The following FHIT variants were observed in gnomAD, a reference collection of about 807,000 sequenced individuals.
FHIT encodes bis(5'-adenosyl)-triphosphatase.
A neutral mutation model predicts 17.9 loss-of-function variants in FHIT; 19 were observed. The ratio of observed to expected loss-of-function variants is 1.06; its 90% CI spans 0.74 to 1.56. The LOEUF is 1.56. Ranked by LOEUF, FHIT falls within the 40% of genes most tolerant of loss-of-function variation. FHIT has a pLI of 0.00. For synonymous variants in FHIT, 81 were observed against 69.7 expected, an observed-to-expected ratio of 1.16 and a Z score of -0.81; for missense variants, 248 against 189.2, an observed-to-expected ratio of 1.31 and a Z score of -1.82.
chr3:60,343,621 C>T (rs1710632476), intron 5 of FHIT, among the ~76,000 whole-genome samples: 1 of 152,150 alleles, frequency 6.6e-6, no homozygotes, highest in African/African-American at 2.4e-5. Context: ...CCTTTGAAAC[C>T]TAATTAATAA....
intron 5 of FHIT, among the ~76,000 whole-genome samples, chr3:60,029,887 GTGTGTGTGTC>G (rs1270916826): frequency 0.014 from 1,369 of 98,388 alleles, 33 homozygotes; most frequent in African/African-American, 0.042. Flanking sequence ...CATTGTGTGT[GTGTGTGTGTC>G]TGTGTGTGTG....
intron 3 of FHIT, among the ~76,000 whole-genome samples, chr3:61,024,324 C>T (rs944125658): frequency 6.6e-6 from 1 of 152,020 alleles, no homozygotes; most frequent in African/African-American, 2.4e-5. Flanking sequence ...CCCTTCTCCC[C>T]CAACAAAATA....
intron 5 of FHIT, among the ~76,000 whole-genome samples, chr3:60,424,292 A>G (rs763559224): frequency 6.6e-6 from 1 of 152,146 alleles, no homozygotes; most frequent in Non-Finnish European, 1.5e-5. Context: ...TACAGAGAGC[A>G]GTCTGGGGAA....
chr3:61,123,428 C>A (rs973365055), intron 2 of FHIT, among the ~76,000 whole-genome samples: 37 of 151,912 alleles, frequency 2.4e-4, no homozygotes, highest in Non-Finnish European at 4.1e-4. Flanking sequence ...TGCAGCAAAC[C>A]ACCATGGCAC....
At chr3:60,457,161 C>T (rs555610681) in intron 5 of FHIT, among the ~76,000 whole-genome samples, 6 of 152,198 alleles carry the variant, frequency 3.9e-5, no homozygotes, top group Admixed American at 3.3e-4. Flanking sequence ...GGAGGCATCA[C>T]ACTACCTGAC....
intron 5 of FHIT, among the ~76,000 whole-genome samples, chr3:60,530,436 G>C (rs149934097): frequency 6.6e-6 from 1 of 152,268 alleles, no homozygotes; most frequent in East Asian, 1.9e-4. Flanking sequence ...CACATACAAA[G>C]TACCTACTTA....
intron 5 of FHIT, among the ~76,000 whole-genome samples, chr3:60,129,684 GCTTT>G (rs1358656464): frequency 2.0e-5 from 3 of 151,930 alleles, no homozygotes; most frequent in Admixed American, 1.3e-4. Flanking sequence ...ATCCTGCTTT[GCTTT>G]TTTTCTCATC....
At chr3:59,944,118 A>T (rs1420551240) in intron 7 of FHIT, among the ~76,000 whole-genome samples, 2 of 152,250 alleles carry the variant, frequency 1.3e-5, no homozygotes, top group Non-Finnish European at 1.5e-5. Flanking sequence ...GATTCAAAGG[A>T]AGGTACAAAA....
chr3:60,126,798 C>T (rs1705571207), intron 5 of FHIT, among the ~76,000 whole-genome samples: 2 of 152,162 alleles, frequency 1.3e-5, no homozygotes, highest in African/African-American at 4.8e-5. Context: ...CATGCCAGAT[C>T]TGGGGATTTT....
Position 60,860,707 on chromosome 3 carries a change from G to GT in FHIT, c.-110-38697dup, listed in dbSNP as rs1279501797. Among the ~76,000 whole-genome samples the GT allele has an allele frequency of 5.5e-5, 6 of 108,980 alleles. 1 individual carries two copies. The highest frequency in any genetic ancestry group is 1.0e-4 in the African/African-American group (3 of 30,146). The allele number at this position is 108,980 out of a possible 152,430, so 71.5% of individuals were successfully genotyped here. A position where few individuals can be genotyped will look rare whatever the true frequency, so the allele number is the denominator to read the frequency against. The stretch of plus-strand genomic sequence containing the variant: ...ATATATCAGGTATATATGTACATAT[G>GT]TACATATATATCAGGTATATATGTA... On this transcript the variant is annotated intron_variant, in intron 3 of 9. Transcript: ENST00000492590.
At chr3:61,091,452 G>A (rs979368088) in intron 2 of FHIT, among the ~76,000 whole-genome samples, 3 of 152,150 alleles carry the variant, frequency 2.0e-5, no homozygotes, top group Admixed American at 1.3e-4. Context: ...ATCAATCTAT[G>A]TCAGCTGCTG....
chr3:60,291,233 A>AGAT (rs1384580617), intron 5 of FHIT, among the ~76,000 whole-genome samples: 10 of 152,110 alleles, frequency 6.6e-5, no homozygotes, highest in Middle Eastern at 3.2e-3. Flanking sequence ...GGGGTTTTAT[A>AGAT]GATACCTGGT....
At chr3:60,757,330 G>C (rs557101428) in intron 4 of FHIT, among the ~76,000 whole-genome samples, 2 of 152,186 alleles carry the variant, frequency 1.3e-5, no homozygotes, top group Non-Finnish European at 2.9e-5. Context: ...AGAAGCAACT[G>C]ACTTTGTTTT....
chr3:60,254,774 G>A (rs928823761), intron 5 of FHIT, among the ~76,000 whole-genome samples: 2 of 152,064 alleles, frequency 1.3e-5, no homozygotes, highest in African/African-American at 4.8e-5. Context: ...AGACAGAAAG[G>A]ACAGTAATCT....
chr3:60,408,215 C>T (rs987107614), intron 5 of FHIT, among the ~76,000 whole-genome samples: 5 of 152,132 alleles, frequency 3.3e-5, no homozygotes, highest in African/African-American at 1.2e-4. Flanking sequence ...GGACTAACCA[C>T]CCTGCACGTG....
intron 4 of FHIT, among the ~76,000 whole-genome samples, chr3:60,794,895 C>T (rs1700921063): frequency 6.6e-6 from 1 of 152,128 alleles, no homozygotes; most frequent in South Asian, 2.1e-4. Context: ...CTATGTAATA[C>T]ATGTACTGTG....
At chr3:60,714,323 T>C (rs1198869758) in intron 4 of FHIT, among the ~76,000 whole-genome samples, 1 of 151,934 alleles carries the variant, frequency 6.6e-6, no homozygotes, top group Non-Finnish European at 1.5e-5. Context: ...CCACAGCAAA[T>C]ATCATACTGA....
intron 5 of FHIT, among the ~76,000 whole-genome samples, chr3:60,507,713 C>T (rs1490018414): frequency 1.3e-5 from 2 of 152,086 alleles, no homozygotes; most frequent in South Asian, 2.1e-4. Context: ...ATTGTTTCCT[C>T]GGCCCATATG....
chr3:60,407,527 A>T (rs1701910387), intron 5 of FHIT, among the ~76,000 whole-genome samples: 1 of 152,208 alleles, frequency 6.6e-6, no homozygotes, highest in African/African-American at 2.4e-5. Flanking sequence ...TATATTTTTT[A>T]AATTTTATTT....
Sources: gnomAD v4.1 joint callset for allele counts (sites outside exome capture counted in the v4.1 genomes callset) on GRCh38, gnomAD v4.1.1 for gene constraint, MANE v1.5 for transcripts, NCBI Gene and HGNC (gene_info 2026-07-23, HGNC 2026-07-21) for gene names.